The following GRB10 variants were observed in gnomAD, a reference collection of about 807,000 sequenced individuals.
The protein encoded by GRB10 is growth factor receptor-bound protein 10.
In GRB10, 20 loss-of-function variants were observed where a neutral mutation model predicts 80.9. The ratio of observed to expected loss-of-function variants is 0.25; its 90% CI spans 0.17 to 0.36. The LOEUF is 0.36. GRB10 is among the 10% of genes least tolerant of loss of function. The pLI is 1.00. For missense variants in GRB10, 548 were observed against 747.7 expected, an observed-to-expected ratio of 0.73 and a Z score of 3.12; for synonymous variants, 291 against 291.5, an observed-to-expected ratio of 1.00 and a Z score of 0.02.
Position 50,627,042 on chromosome 7 carries a change from AAAC to A in GRB10, c.505-67_505-65del, listed in dbSNP as rs1406446300. 14 of 1,497,230 alleles carry A rather than the reference AAAC, an allele frequency of 9.4e-6. No homozygotes were observed. In the South Asian group the frequency reaches 1.5e-4, roughly 16 times the overall value. The allele number at this position is 1,497,230 out of a possible 1,614,324, so 92.7% of individuals were successfully genotyped here. ...TCGGGCTTTCAAGAAATAAAAACTG[AAAC>A]AAAAGAAAACAGGTAAAGTAAAAAT... On this transcript the variant is annotated intron_variant, in intron 7 of 18. Transcript: ENST00000401949.
intron 3 of GRB10, among the ~76,000 whole-genome samples, chr7:50,739,126 C>A (rs2071304377): frequency 6.6e-6 from 1 of 152,168 alleles, no homozygotes; most frequent in Non-Finnish European, 1.5e-5. Context: ...AATATTTACA[C>A]TTCTGGATCC....
intron 5 of GRB10, among the ~76,000 whole-genome samples, chr7:50,681,345 C>A (rs1472018773): frequency 6.6e-6 from 1 of 152,162 alleles, no homozygotes; most frequent in Non-Finnish European, 1.5e-5. Flanking sequence ...CATCCCTGGC[C>A]CTTTTGGACT....
intron 2 of GRB10, among the ~76,000 whole-genome samples, chr7:50,758,225 GACC>G (rs2075325372): frequency 6.6e-6 from 1 of 152,088 alleles, no homozygotes; most frequent in Non-Finnish European, 1.5e-5. Flanking sequence ...CCGACACCCA[GACC>G]ACCAACACCC....
intron 11 of GRB10, among the ~76,000 whole-genome samples, chr7:50,615,216 G>T (rs963562634): frequency 6.6e-6 from 1 of 152,142 alleles, no homozygotes; most frequent in African/African-American, 2.4e-5. Flanking sequence ...AGAGCACAGG[G>T]CCTGTCTGCC....
chr7:50,713,394 C>T (rs1231292471), intron 4 of GRB10, among the ~76,000 whole-genome samples: 1 of 151,806 alleles, frequency 6.6e-6, no homozygotes, highest in Non-Finnish European at 1.5e-5. Flanking sequence ...ACCTTCTCCA[C>T]CTCCTCCACC....
chr7:50,667,147 C>G (rs991026789), intron 7 of GRB10, among the ~76,000 whole-genome samples: 1 of 151,874 alleles, frequency 6.6e-6, no homozygotes, highest in East Asian at 1.9e-4. Context: ...ATGATTTTTC[C>G]TTTCTCATGG....
intron 3 of GRB10, among the ~76,000 whole-genome samples, chr7:50,751,794 A>G (rs932153533): frequency 6.6e-6 from 1 of 152,244 alleles, no homozygotes; most frequent in African/African-American, 2.4e-5. Flanking sequence ...GTGACCAAGA[A>G]CAAGTGGAGT....
At chr7:50,742,267 GCGCGCACACACACACACACACACA>G (rs778089268) in intron 3 of GRB10, among the ~76,000 whole-genome samples, 1,535 of 30,990 alleles carry the variant, frequency 0.05, 16 homozygotes, top group Middle Eastern at 0.18. Context: ...GCGCACGCGC[GCGCGCACACACACACACACACACA>G]CACACACACA....
chr7:50,696,763 A>G (rs528645304), intron 5 of GRB10, among the ~76,000 whole-genome samples: 1 of 152,340 alleles, frequency 6.6e-6, no homozygotes, highest in Non-Finnish European at 1.5e-5. Context: ...TTGTTAAGGA[A>G]AAAACTAAAT....
At chr7:50,722,254 C>T (rs1199677562) in intron 4 of GRB10, among the ~76,000 whole-genome samples, 1 of 152,166 alleles carries the variant, frequency 6.6e-6, no homozygotes, top group Non-Finnish European at 1.5e-5. Flanking sequence ...CAAGGACTGG[C>T]CATAAACTTA....
chr7:50,642,428 C>A (rs1021819976), intron 7 of GRB10, among the ~76,000 whole-genome samples: 19 of 152,116 alleles, frequency 1.2e-4, no homozygotes, highest in Non-Finnish European at 1.8e-4. Context: ...TGCACAAACA[C>A]ATACACACAT....
intron 7 of GRB10, among the ~76,000 whole-genome samples, chr7:50,636,156 T>C (rs1222509230): frequency 1.3e-5 from 2 of 151,912 alleles, no homozygotes; most frequent in Non-Finnish European, 2.9e-5. Flanking sequence ...TTTTGTATTT[T>C]CTAGTAGAGA....
At chr7:50,677,308 C>T (rs1170550591) in intron 5 of GRB10, among the ~76,000 whole-genome samples, 2 of 152,188 alleles carry the variant, frequency 1.3e-5, no homozygotes, top group African/African-American at 4.8e-5. Flanking sequence ...AGCAGGCGAA[C>T]TCTTGCTCAT....
At chr7:50,623,311 T>A (rs2052226766) in intron 8 of GRB10, among the ~76,000 whole-genome samples, 1 of 152,174 alleles carries the variant, frequency 6.6e-6, no homozygotes, top group Non-Finnish European at 1.5e-5. Flanking sequence ...GAACTGGGAA[T>A]CATAAAACAG....
At chr7:50,696,060 AT>A (rs1404226228) in intron 5 of GRB10, among the ~76,000 whole-genome samples, 1 of 152,210 alleles carries the variant, frequency 6.6e-6, no homozygotes, top group Non-Finnish European at 1.5e-5. Flanking sequence ...AGACAGAATA[AT>A]AGTCTATCAT....
At chr7:50,721,305 C>CCTGCCCAGGATGCGACTCCTCCCT (rs1355603935) in intron 4 of GRB10, among the ~76,000 whole-genome samples, 2 of 152,196 alleles carry the variant, frequency 1.3e-5, no homozygotes, top group Admixed American at 6.5e-5. Context: ...CCCGCTTTGT[C>CCTGCCCAGGATGCGACTCCTCCCT]CTGCCCAGGA....
chr7:50,636,305 A>G (rs1185457026), intron 7 of GRB10, among the ~76,000 whole-genome samples: 2 of 152,142 alleles, frequency 1.3e-5, no homozygotes, highest in East Asian at 3.9e-4. Flanking sequence ...ACAGCCATAC[A>G]AACAAGAGGT....
intron 3 of GRB10, among the ~76,000 whole-genome samples, chr7:50,751,903 A>G (rs2074169494): frequency 6.6e-6 from 1 of 152,208 alleles, no homozygotes; most frequent in Non-Finnish European, 1.5e-5. Flanking sequence ...ATACAGAGTT[A>G]GGTTTCTATG....
chr7:50,695,800 ATTTT>A (rs766088544), intron 5 of GRB10, among the ~76,000 whole-genome samples: 16 of 152,298 alleles, frequency 1.1e-4, no homozygotes, highest in Non-Finnish European at 2.4e-4. Context: ...TAGTAATTAT[ATTTT>A]TATTTTCATT....
Sources: allele counts gnomAD v4.1 joint callset (sites outside exome capture counted in the v4.1 genomes callset), GRCh38; gene constraint gnomAD v4.1.1; transcripts MANE v1.5; gene names NCBI Gene and HGNC (gene_info 2026-07-23, HGNC 2026-07-21).